The following NID2 variants were observed in gnomAD, a reference collection of about 807,000 sequenced individuals.
NID2 encodes nidogen-2.
Under a neutral mutation model 145.4 loss-of-function variants are expected in NID2, and 83 were observed. That is an observed-to-expected ratio of 0.57 (90% confidence interval 0.48 to 0.69). The LOEUF is 0.69. NID2 is among the 30% of genes least tolerant of loss of function. The pLI, the probability that NID2 is intolerant of heterozygous loss-of-function variation, is 0.00. For synonymous variants in NID2, 739 were observed against 701.3 expected (o/e 1.05, Z -0.85); for missense variants, 1,807 against 1,765.7 (o/e 1.02, Z -0.42).
At chr14:52,013,563 G>T (rs1891107806) in intron 16 of NID2, among the ~76,000 whole-genome samples, 1 of 152,116 alleles carries the variant, frequency 6.6e-6, no homozygotes, top group African/African-American at 2.4e-5. Flanking sequence ...GTTCAACAAT[G>T]GAATCAGATG....
chr14:52,064,493 C>G (rs1178996247), intron 2 of NID2, among the ~76,000 whole-genome samples: 1 of 152,192 alleles, frequency 6.6e-6, no homozygotes, highest in Non-Finnish European at 1.5e-5. Context: ...ACCAGGCCCA[C>G]TCCATGATAA....
In NID2 at chr14:52,038,800, T is replaced by C. The variant is rs752299256; in HGVS notation, c.2204A>G (p.Asp735Gly). 2.5e-6 allele frequency: 4 copies of C among 1,612,094 alleles called. No homozygotes were observed. Among genetic ancestry groups the C allele is most frequent in the South Asian group, 1.1e-5 (1 of 90,576 alleles). ...AGCAAATCTAAGCACTCTTTCTTCG[T>C]CATTATACAAGGCAAAGACCCGGTC... ...NVDRVFALYN[D>G]EERVLRFAVT... is the part of the protein sequence containing the mutation. Residue 735 changes from aspartate (D) to glycine (G), a missense_variant, in exon 9 of 22, where the codon GAC (aspartate) becomes GGC (glycine). Coordinates refer to ENST00000216286, the MANE Select transcript of NID2 (RefSeq NM_007361.4).
At chr14:52,019,614 G>C (rs1891330751) in intron 13 of NID2, among the ~76,000 whole-genome samples, 1 of 152,110 alleles carries the variant, frequency 6.6e-6, no homozygotes, top group African/African-American at 2.4e-5. Flanking sequence ...TTCATGCCCT[G>C]AGGCCCACAG....
Position 52,067,876 on chromosome 14 carries a change from C to T in NID2, c.516G>A (p.Gly172=), listed in dbSNP as rs1188361092. ...QVGAYEEVKR[G]ALPSGELNTF... ...CACTTACCTCTCCCGAGGGCAGCGC[C>T]CCGCGCTTGACCTCCTCGTAAGCGC... Residue 172 remains glycine, a synonymous_variant, in exon 2 of 22, where the codon GGG becomes GGA. Coordinates refer to ENST00000216286, the MANE Select transcript of NID2 (RefSeq NM_007361.4). 3 of 1,612,142 alleles carry T rather than the reference C, an allele frequency of 1.9e-6. No homozygotes were observed. The South Asian group carries it at 3.3e-5, about 18-fold the overall frequency.
At position 52,068,009 on chromosome 14, in the gene NID2, G is replaced by C. The variant is rs776939601; in HGVS notation, c.383C>G (p.Thr128Ser). 1.9e-5 allele frequency: 31 copies of C among 1,612,524 alleles called. No individual in the cohort carries two copies. In the East Asian group the frequency reaches 6.5e-4, roughly 34 times the overall value. Residue 128 changes from threonine to serine, a missense_variant, in exon 2 of 22, where the codon ACC becomes AGC. Thr to Ser is a moderately conservative substitution (Grantham distance 58, BLOSUM62 1). Coordinates refer to ENST00000216286, the MANE Select transcript of NID2 (RefSeq NM_007361.4). ...GGCCAGGCCCAGCACTGCGGGGGAG[G>C]TGTCCTCTCGGTACAGGACTCGGCC... The part of the protein sequence containing the change: ...GRGRVLYRED[T>S]SPAVLGLAAR...
chr14:52,020,515 T>C (rs1891364736), intron 12 of NID2, among the ~76,000 whole-genome samples: 1 of 152,266 alleles, frequency 6.6e-6, no homozygotes, highest in South Asian at 2.1e-4. Flanking sequence ...AACTAACCTT[T>C]AGACTATAAG....
chr14:52,025,289 A>G (rs573548309), intron 12 of NID2, among the ~76,000 whole-genome samples: 3 of 152,360 alleles, frequency 2.0e-5, no homozygotes, highest in South Asian at 2.1e-4. Flanking sequence ...TCTCACCAGT[A>G]TATCTATGAC....
At chr14:52,036,453 C>A (rs896356280) in intron 9 of NID2, among the ~76,000 whole-genome samples, 1 of 152,328 alleles carries the variant, frequency 6.6e-6, no homozygotes, top group Admixed American at 6.5e-5. Flanking sequence ...ATTATGAATA[C>A]TGCCACTATG....
At chr14:52,037,965 A>C (rs1052327177) in intron 9 of NID2, among the ~76,000 whole-genome samples, 4 of 152,242 alleles carry the variant, frequency 2.6e-5, no homozygotes, top group Non-Finnish European at 5.9e-5. Context: ...TGCATATCTT[A>C]TAACATTGCG....
At chr14:52,015,033 C>T (rs761304198) in intron 15 of NID2, 21 bp downstream of exon 15, 17 of 1,591,414 alleles carry the variant, frequency 1.1e-5, no homozygotes, top group East Asian at 2.3e-5. Flanking sequence ...CTGAGGGGAG[C>T]GGGGGCGGCC....
At chr14:52,059,148 A>G (rs1892946952) in intron 3 of NID2, among the ~76,000 whole-genome samples, 1 of 152,224 alleles carries the variant, frequency 6.6e-6, no homozygotes, top group Non-Finnish European at 1.5e-5. Flanking sequence ...CTAACCTACA[A>G]TTCTTGTGAG....
intron 5 of NID2, among the ~76,000 whole-genome samples, chr14:52,046,999 C>A (rs1307823520): frequency 6.6e-6 from 1 of 152,222 alleles, no homozygotes; most frequent in East Asian, 1.9e-4. Flanking sequence ...TTTACAATGG[C>A]AGCTTGTTAG....
intron 9 of NID2, among the ~76,000 whole-genome samples, chr14:52,031,529 C>T (rs1332342447): frequency 6.6e-6 from 1 of 152,170 alleles, no homozygotes; most frequent in Admixed American, 6.5e-5. Flanking sequence ...AAAGGGAGAT[C>T]CATCTAAGTT....
intron 10 of NID2, 74 bp from the exon 11 acceptor site, chr14:52,028,924 G>A (rs1407792396): frequency 6.7e-7 from 1 of 1,483,836 alleles, no homozygotes; most frequent in African/African-American, 1.4e-5. Context: ...AAAACTCAAT[G>A]TTTTCTCACT....
At chr14:52,035,230 A>G (rs1407229062) in intron 9 of NID2, among the ~76,000 whole-genome samples, 1 of 152,202 alleles carries the variant, frequency 6.6e-6, no homozygotes, top group Non-Finnish European at 1.5e-5. Flanking sequence ...CATACAGAAT[A>G]GTTTCACTGC....
intron 9 of NID2, among the ~76,000 whole-genome samples, chr14:52,036,157 G>C (rs1286241318): frequency 2.6e-5 from 4 of 152,090 alleles, no homozygotes; most frequent in Admixed American, 2.6e-4. Context: ...GTACCCTTTA[G>C]CTATTAACGC....
chr14:52,066,614 T>C (rs994824217), intron 2 of NID2, among the ~76,000 whole-genome samples: 2 of 151,548 alleles, frequency 1.3e-5, no homozygotes, highest in African/African-American at 4.9e-5. Context: ...AAATAAAGAG[T>C]CCCCATACAA....
chr14:52,044,173 T>C (rs1203215140), intron 5 of NID2, among the ~76,000 whole-genome samples: 1 of 151,406 alleles, frequency 6.6e-6, no homozygotes, highest in African/African-American at 2.4e-5. Context: ...AGGTACAATG[T>C]CACCAAGATA....
Position 52,037,228 on chromosome 14 carries a change from CTA to C in NID2, c.2257+1517_2257+1518del, listed in dbSNP as rs1480282377. On this transcript the variant is annotated intron_variant, in intron 9 of 21. Coordinates refer to ENST00000216286, the MANE Select transcript of NID2 (RefSeq NM_007361.4). Reference sequence around the variant, plus strand: ...CCATAGTTAACAATAGTTTAAAAGACTATTCTTTCTCCATTGAATTGTTTTGG... The same window carrying C: ...CCATAGTTAACAATAGTTTAAAAGACTTCTTTCTCCATTGAATTGTTTTGG... Among the ~76,000 whole-genome samples the C allele has an allele frequency of 2.6e-5, 4 of 151,762 alleles. No homozygotes were observed. In the South Asian group the frequency reaches 8.4e-4, roughly 32 times the overall value.
Sources: gnomAD v4.1 joint callset for allele counts (sites outside exome capture counted in the v4.1 genomes callset) on GRCh38, gnomAD v4.1.1 for gene constraint, MANE v1.5 for transcripts, NCBI Gene and HGNC (gene_info 2026-07-23, HGNC 2026-07-21) for gene names.